Variants in SEC22C observed in about 807,000 individuals in gnomAD.
SEC22C encodes the protein SEC22 homolog C, vesicle trafficking protein.
Under a neutral mutation model 34.7 loss-of-function variants are expected in SEC22C, and 29 were observed. The ratio of observed to expected loss-of-function variants is 0.84; its 90% CI spans 0.62 to 1.14. The LOEUF is 1.14. Among genes scored for constraint, SEC22C ranks in the 50% most tolerant of loss-of-function variants. The pLI, the probability that SEC22C is intolerant of heterozygous loss-of-function variation, is 0.00. For synonymous variants in SEC22C, 117 were observed against 132.8 expected, an observed-to-expected ratio of 0.88 and a Z score of 0.82; for missense variants, 337 against 369.0, an observed-to-expected ratio of 0.91 and a Z score of 0.71.
intron 1 of SEC22C, among the ~76,000 whole-genome samples, chr3:42,598,025 GA>G (rs1313463682): frequency 6.6e-6 from 1 of 152,142 alleles, no homozygotes; most frequent in South Asian, 2.1e-4. Flanking sequence ...GTAATTCCTG[GA>G]AAAATCTTAA....
chr3:42,585,150 C>G (rs2125735272), upstream of SEC22C, among the ~76,000 whole-genome samples: 1 of 152,192 alleles, frequency 6.6e-6, no homozygotes, highest in South Asian at 2.1e-4. Flanking sequence ...CAAAACAAAA[C>G]AAAACAAACA....
chr3:42,578,204 C>A (rs991246870), intron 1 of SEC22C, among the ~76,000 whole-genome samples: 1 of 152,184 alleles, frequency 6.6e-6, no homozygotes, highest in Non-Finnish European at 1.5e-5. Context: ...GCAGTATATT[C>A]ATTCCATGGA....
exon 1 of SEC22C, chr3:42,600,969 C>A: frequency 2.0e-6 from 3 of 1,505,716 alleles, no homozygotes; most frequent in Non-Finnish European, 2.7e-6. Flanking sequence ...CCGCTTTTCT[C>A]CCCCTCTCTC....
Position 42,549,575 on chromosome 3 carries a change from C to T in SEC22C, c.*3673G>A. On this transcript the variant is annotated 3_prime_UTR_variant, in exon 7 of 7. Transcript: ENST00000264454. Reference sequence around the variant, plus strand: ...CTGACCACCAAGTGTTACTCCTCTCCAAGACTTGACTCCCAGGCATGGGTG... The same window carrying T: ...CTGACCACCAAGTGTTACTCCTCTCTAAGACTTGACTCCCAGGCATGGGTG... 3.0e-6 allele frequency: 3 copies of T among 985,060 alleles called. No individual in the cohort carries two copies. Among genetic ancestry groups the T allele is most frequent in the Non-Finnish European group, 3.6e-6 (3 of 829,926 alleles). The allele number at this position is 985,060 out of a possible 1,614,324, so 61.0% of individuals were successfully genotyped here. A position where few individuals can be genotyped will look rare whatever the true frequency, so the allele number is the denominator to read the frequency against.
Position 42,551,508 on chromosome 3 carries a change from A to T in SEC22C, c.*1740T>A. On this transcript the variant is annotated 3_prime_UTR_variant, in exon 7 of 7. Transcript: ENST00000264454. ...AGGCATGTGCCATCACATCCGGCTAATTTTTTTTTTTGTAGAGATGAATCT... is the reference window on the plus strand; with the variant it reads ...AGGCATGTGCCATCACATCCGGCTATTTTTTTTTTTTGTAGAGATGAATCT... The T allele has an allele frequency of 5.1e-5, 21 of 411,152 alleles. No homozygotes were observed. The highest frequency in any genetic ancestry group is 6.8e-5 in the Non-Finnish European group (21 of 308,062). 25.5% of individuals were successfully genotyped at this position (411,152 alleles called of 1,614,324 possible). A position where few individuals can be genotyped will look rare whatever the true frequency, so the allele number is the denominator to read the frequency against.
rs374794844 is a variant in SEC22C at position 42,569,214 on chromosome 3, G to A, written c.-27-141C>T. ...ATGTTGCTTTTATTGTTATTTCCCT[G>A]GCCTCTACTGCTATATCACTCCCAA... On this transcript the variant is annotated intron_variant, in intron 1 of 6. Coordinates refer to ENST00000264454, the MANE Select transcript of SEC22C (RefSeq NM_032970.4). 2.9e-5 allele frequency: 18 copies of A among 622,522 alleles called. No homozygotes were observed. In the African/African-American group the frequency reaches 3.0e-4, roughly 10 times the overall value. 38.6% of individuals were successfully genotyped at this position (622,522 alleles called of 1,614,324 possible). A position where few individuals can be genotyped will look rare whatever the true frequency, so the allele number is the denominator to read the frequency against.
At chr3:42,594,143 G>A (rs1211174101) in intron 1 of SEC22C, among the ~76,000 whole-genome samples, 3 of 152,244 alleles carry the variant, frequency 2.0e-5, no homozygotes, top group Non-Finnish European at 4.4e-5. Flanking sequence ...AGGCTGTTAT[G>A]TGGAGAATAA....
chr3:42,591,671 C>A, intron 1 of SEC22C: 2 of 1,054,688 alleles, frequency 1.9e-6, no homozygotes, highest in South Asian at 1.3e-5. Context: ...GGTGCTTTCT[C>A]GAACTAAGAG....
At chr3:42,589,828 G>A (rs1162889550) in intron 1 of SEC22C, among the ~76,000 whole-genome samples, 1 of 152,202 alleles carries the variant, frequency 6.6e-6, no homozygotes, top group Non-Finnish European at 1.5e-5. Flanking sequence ...GGGGACCACT[G>A]GTCTAGAAGA....
At position 42,552,359 on chromosome 3, in the gene SEC22C, T is replaced by C; in HGVS notation, c.*889A>G. The C allele has an allele frequency of 1.0e-6, 1 of 985,372 alleles. No homozygotes were observed. Among genetic ancestry groups the C allele is most frequent in the Non-Finnish European group, 1.2e-6 (1 of 829,876 alleles). 61.0% of individuals were successfully genotyped at this position (985,372 alleles called of 1,614,324 possible). The stretch of plus-strand genomic sequence containing the variant: ...CACTCAGCTCTACTGAAAAGGCTGA[T>C]GACAGCAGCCCCTCCCAAGCGGATC... On this transcript the variant is annotated 3_prime_UTR_variant, in exon 7 of 7. Coordinates refer to ENST00000264454, the MANE Select transcript of SEC22C (RefSeq NM_032970.4).
intron 4 of SEC22C, among the ~76,000 whole-genome samples, chr3:42,558,578 G>T (rs1559513657): frequency 6.6e-6 from 1 of 151,484 alleles, no homozygotes; most frequent in Non-Finnish European, 1.5e-5. Flanking sequence ...CTTGAACTCA[G>T]GAGTTCAAGA....
Position 42,552,203 on chromosome 3 carries a change from C to G in SEC22C, c.*1045G>C, listed in dbSNP as rs954457816. ...TTAAAAAGTTAACAGATACTTAACTCTTGTTCATAAAAAATGAGGCCCTCA... is the reference window on the plus strand; with the variant it reads ...TTAAAAAGTTAACAGATACTTAACTGTTGTTCATAAAAAATGAGGCCCTCA... On this transcript the variant is annotated 3_prime_UTR_variant, in exon 7 of 7. Transcript: ENST00000264454. 6 of 984,990 alleles carry G rather than the reference C, an allele frequency of 6.1e-6. No homozygotes were observed. Among genetic ancestry groups the G allele is most frequent in the Non-Finnish European group, 7.2e-6 (6 of 829,656 alleles). 61.0% of individuals were successfully genotyped at this position (984,990 alleles called of 1,614,324 possible). A position where few individuals can be genotyped will look rare whatever the true frequency, so the allele number is the denominator to read the frequency against.
chr3:42,569,164 A>T, intron 1 of SEC22C, 91 bp from the exon 2 acceptor site: 1 of 760,528 alleles, frequency 1.3e-6, no homozygotes, highest in Non-Finnish European at 2.1e-6. Context: ...AGGGTTTTTC[A>T]CCCTCATTCT....
chr3:42,596,702 A>G (rs1705043297), intron 1 of SEC22C, among the ~76,000 whole-genome samples: 1 of 152,222 alleles, frequency 6.6e-6, no homozygotes, highest in Non-Finnish European at 1.5e-5. Context: ...AAATCACAAG[A>G]CAGAATAAAA....
At chr3:42,586,856 A>G (rs1008242496), upstream of SEC22C, among the ~76,000 whole-genome samples, 1 of 152,114 alleles carries the variant, frequency 6.6e-6, no homozygotes, top group African/African-American at 2.4e-5. Flanking sequence ...ATCACCTCAC[A>G]CTGTACATTT....
chr3:42,549,997 A>G lies in SEC22C; in HGVS notation c.*3251T>C. On this transcript the variant is annotated 3_prime_UTR_variant, in exon 7 of 7. Transcript: ENST00000264454. ...CCAGCTGTCTCCACCCAGGAAAAGG[A>G]AAGCCAGGTACACTTCTCATCACAG... 1.0e-6 allele frequency: 1 copy of G among 985,478 alleles called. No homozygotes were observed. The highest frequency in any genetic ancestry group is 1.7e-5 in the African/African-American group (1 of 57,360). 61.0% of individuals were successfully genotyped at this position (985,478 alleles called of 1,614,324 possible). A position where few individuals can be genotyped will look rare whatever the true frequency, so the allele number is the denominator to read the frequency against.
intron 2 of SEC22C, among the ~76,000 whole-genome samples, chr3:42,568,197 T>C (rs969483208): frequency 1.3e-5 from 2 of 152,032 alleles, no homozygotes; most frequent in African/African-American, 4.8e-5. Context: ...TTTCTAACTC[T>C]CATTATTTTC....
At chr3:42,565,721 G>T in intron 2 of SEC22C, 1 of 334,416 alleles carries the variant, frequency 3.0e-6, no homozygotes, top group South Asian at 2.4e-5. Context: ...AAGTAGCAGA[G>T]GTTTAGGAAG....
chr3:42,590,749 T>A, intron 1 of SEC22C: 1 of 835,190 alleles, frequency 1.2e-6, no homozygotes, highest in Non-Finnish European at 2.0e-6. Flanking sequence ...AGGAAAGCGC[T>A]GAGTATAGCT....
Sources: allele counts gnomAD v4.1 joint callset (sites outside exome capture counted in the v4.1 genomes callset), GRCh38; gene constraint gnomAD v4.1.1; transcripts MANE v1.5; gene names NCBI Gene and HGNC (gene_info 2026-07-23, HGNC 2026-07-21).